The following GCNT1 variants were observed in gnomAD, a reference collection of about 807,000 sequenced individuals.
The protein encoded by GCNT1 is beta-1,3-galactosyl-O-glycosyl-glycoprotein beta-1,6-N-acetylglucosaminyltransferase.
A neutral mutation model predicts 26.2 loss-of-function variants in GCNT1; 16 were observed. That is an observed-to-expected ratio of 0.61 (90% CI 0.41 to 0.93). The LOEUF (loss-of-function observed/expected upper bound fraction) is 0.93. Among genes scored for constraint, GCNT1 ranks in the 40% least tolerant of loss-of-function variants. The pLI is 0.00. For synonymous variants in GCNT1, 183 were observed against 190.8 expected, an observed-to-expected ratio of 0.96 and a Z score of 0.34; for missense variants, 477 against 526.7, an observed-to-expected ratio of 0.91 and a Z score of 0.92.
chr9:76,444,519 T>C (rs1015788043), intron 1 of GCNT1, among the ~76,000 whole-genome samples: 1 of 152,114 alleles, frequency 6.6e-6, no homozygotes, highest in African/African-American at 2.4e-5. Context: ...GGAGTGACGA[T>C]TTGTCTGAAA....
chr9:76,405,101 G>A, the GCNT1 span, among the ~76,000 whole-genome samples: 11 of 152,184 alleles, frequency 7.2e-5, no homozygotes, highest in Non-Finnish European at 1.3e-4. Flanking sequence ...TTACAGGCAT[G>A]AGCCACCAGA....
upstream of GCNT1, among the ~76,000 whole-genome samples, chr9:76,439,971 G>A (rs969744161): frequency 1.3e-5 from 2 of 151,820 alleles, no homozygotes. Context: ...CTTGGTGGTG[G>A]GCACCTGTAA....
upstream of GCNT1, among the ~76,000 whole-genome samples, chr9:76,418,940 T>C (rs1222312257): frequency 6.6e-6 from 1 of 152,144 alleles, no homozygotes; most frequent in African/African-American, 2.4e-5. Context: ...GGGTCCAGTC[T>C]TAAAGGTGAT....
the GCNT1 span, chr9:76,393,986 C>T: frequency 9.3e-7 from 1 of 1,075,558 alleles, no homozygotes; most frequent in Non-Finnish European, 1.3e-6. Flanking sequence ...TGCTCTCTGC[C>T]CGCGGTCCGG....
At chr9:76,478,268 C>T (rs1824308513) in intron 2 of GCNT1, among the ~76,000 whole-genome samples, 1 of 152,162 alleles carries the variant, frequency 6.6e-6, no homozygotes, top group African/African-American at 2.4e-5. Context: ...CCTTTATGAG[C>T]TGAGAGGGTC....
the GCNT1 span, among the ~76,000 whole-genome samples, chr9:76,413,653 G>GTTTTTTTTTGTTTGTTTTTT: frequency 8.4e-6 from 1 of 118,664 alleles, no homozygotes; most frequent in African/African-American, 3.1e-5. Context: ...GTTTTGTTTT[G>GTTTTTTTTTGTTTGTTTTTT]TTTTTTTTTT....
At chr9:76,406,075 T>A in the GCNT1 span, among the ~76,000 whole-genome samples, 1 of 152,356 alleles carries the variant, frequency 6.6e-6, no homozygotes. Flanking sequence ...TGTTCTGGAT[T>A]TGGGCCCTTC....
At chr9:76,432,228 A>G (rs1384580672) in intron 1 of GCNT1, among the ~76,000 whole-genome samples, 1 of 152,250 alleles carries the variant, frequency 6.6e-6, no homozygotes, top group Non-Finnish European at 1.5e-5. Context: ...AGTATATTAC[A>G]TAAAATACAT....
upstream of GCNT1, among the ~76,000 whole-genome samples, chr9:76,416,757 G>A (rs1823136711): frequency 1.3e-5 from 2 of 152,170 alleles, no homozygotes; most frequent in South Asian, 4.1e-4. Flanking sequence ...TGATACTTAG[G>A]AATTAAGAAG....
rs567448639 is a variant in GCNT1 at position 76,507,416 on chromosome 9, A to T, written c.*3748A>T. 1 of 166,356 alleles carries T rather than the reference A, an allele frequency of 6.0e-6. No individual in the cohort carries two copies. The highest frequency in any genetic ancestry group is 2.1e-4 in the South Asian group (1 of 4,830). The allele number at this position is 166,356 out of a possible 1,614,324, so 10.3% of individuals were successfully genotyped here. On this transcript the variant is annotated 3_prime_UTR_variant, in exon 4 of 4. Transcript: ENST00000376730. The stretch of plus-strand genomic sequence containing the variant: ...ATTAAAATCATCCATTCAGAAACCA[A>T]GGCCTTGTCTGCAGAAATTTTTTAT...
upstream of GCNT1, among the ~76,000 whole-genome samples, chr9:76,458,801 A>G (rs1182344229): frequency 6.6e-6 from 1 of 152,250 alleles, no homozygotes; most frequent in Non-Finnish European, 1.5e-5. Flanking sequence ...CTACATGGTT[A>G]TCTCTAAACT....
chr9:76,459,073 G>A (rs572764420), upstream of GCNT1: 13 of 152,420 alleles, frequency 8.5e-5, no homozygotes, highest in African/African-American at 2.6e-4. Flanking sequence ...CGGGAACCGC[G>A]AGTCCGCAGC....
chr9:76,428,187 GC>G (rs1275924271), intron 1 of GCNT1, among the ~76,000 whole-genome samples: 1 of 147,896 alleles, frequency 6.8e-6, no homozygotes, highest in Non-Finnish European at 1.5e-5. Context: ...AATGGCGTGA[GC>G]CCGGGAGGTG....
intron 2 of GCNT1, among the ~76,000 whole-genome samples, chr9:76,468,549 GC>G (rs1459383917): frequency 1.3e-5 from 2 of 152,192 alleles, no homozygotes; most frequent in Non-Finnish European, 2.9e-5. Context: ...GTCTGTAGAA[GC>G]TTTGTCGTCC....
At chr9:76,413,653 G>GTTTTTGTTTTTTTGTTTTTTTTTTT in the GCNT1 span, among the ~76,000 whole-genome samples, 3 of 118,664 alleles carry the variant, frequency 2.5e-5, no homozygotes, top group African/African-American at 9.2e-5. Flanking sequence ...GTTTTGTTTT[G>GTTTTTGTTTTTTTGTTTTTTTTTTT]TTTTTTTTTT....
the GCNT1 span, among the ~76,000 whole-genome samples, chr9:76,413,397 C>T: frequency 6.6e-6 from 1 of 152,284 alleles, no homozygotes; most frequent in African/African-American, 2.4e-5. Context: ...ATATTCACAA[C>T]CAAATCTCCT....
chr9:76,479,882 G>T (rs372999513), intron 2 of GCNT1, among the ~76,000 whole-genome samples: 13 of 152,036 alleles, frequency 8.6e-5, no homozygotes, highest in East Asian at 3.9e-4. Flanking sequence ...GTCAATTTTG[G>T]CTTTTGTTGC....
At chr9:76,479,310 T>G (rs1008928006) in intron 2 of GCNT1, among the ~76,000 whole-genome samples, 9 of 152,234 alleles carry the variant, frequency 5.9e-5, no homozygotes, top group Non-Finnish European at 1.3e-4. Flanking sequence ...AGTGCCGCAA[T>G]AAACCTACGT....
At chr9:76,414,032 T>C in the GCNT1 span, among the ~76,000 whole-genome samples, 2 of 152,266 alleles carry the variant, frequency 1.3e-5, no homozygotes, top group Non-Finnish European at 2.9e-5. Flanking sequence ...TACAATGTTT[T>C]TGATTTCTAA....
Sources: allele counts gnomAD v4.1 joint callset (sites outside exome capture counted in the v4.1 genomes callset), GRCh38; gene constraint gnomAD v4.1.1; transcripts MANE v1.5; gene names NCBI Gene and HGNC (gene_info 2026-07-23, HGNC 2026-07-21).